BRD4: variants seen among roughly 807,000 people sequenced by gnomAD.
BRD4 encodes the protein bromodomain-containing protein 4.
BRD4 carries 16 observed loss-of-function variants against 142.1 expected under a neutral mutation model. The ratio of observed to expected loss-of-function variants is 0.11; its 90% CI spans 0.08 to 0.17. The LOEUF is 0.17. BRD4 is among the 10% of genes least tolerant of loss of function. The pLI, the probability that BRD4 is intolerant of heterozygous loss-of-function variation, is 1.00. For missense variants in BRD4, 1,424 were observed against 1,810.9 expected, an observed-to-expected ratio of 0.79 and a Z score of 3.88; for synonymous variants, 833 against 707.5, an observed-to-expected ratio of 1.18 and a Z score of -2.82.
chr19:15,253,496 C>T (rs2145561819), intron 11 of BRD4: 1 of 1,466,490 alleles, frequency 6.8e-7, no homozygotes, highest in African/African-American at 1.4e-5. Context: ...AAAGAAGGGA[C>T]TGTTAGTTAG....
intron 1 of BRD4, among the ~76,000 whole-genome samples, chr19:15,309,612 G>A (rs924647721): frequency 1.3e-5 from 2 of 152,118 alleles, no homozygotes; most frequent in Non-Finnish European, 2.9e-5. Context: ...AGTGTGTGTG[G>A]GCACTCACAG....
At chr19:15,276,795 T>A (rs2047651577) in intron 1 of BRD4, among the ~76,000 whole-genome samples, 1 of 152,150 alleles carries the variant, frequency 6.6e-6, no homozygotes, top group Non-Finnish European at 1.5e-5. Context: ...TGCCTTGCCC[T>A]AGGACTCAGC....
intron 8 of BRD4, among the ~76,000 whole-genome samples, chr19:15,256,556 CAGA>C (rs1165901818): frequency 2.0e-5 from 3 of 152,184 alleles, no homozygotes; most frequent in Non-Finnish European, 4.4e-5. Flanking sequence ...ATCCTGATCG[CAGA>C]AGGAGGGCCC....
intron 3 of BRD4, chr19:15,268,300 G>A (rs2047554350): frequency 6.5e-6 from 1 of 152,854 alleles, no homozygotes; most frequent in African/African-American, 2.4e-5. Context: ...AAATGATCTG[G>A]CTTCATGGCA....
intron 1 of BRD4, among the ~76,000 whole-genome samples, chr19:15,319,440 G>C (rs1192347861): frequency 1.3e-5 from 2 of 152,018 alleles, no homozygotes; most frequent in Non-Finnish European, 2.9e-5. Context: ...ATGACAAAGT[G>C]AGACCTCGTA....
intron 1 of BRD4, among the ~76,000 whole-genome samples, chr19:15,309,581 G>C (rs1322795567): frequency 6.6e-6 from 1 of 152,096 alleles, no homozygotes; most frequent in African/African-American, 2.4e-5. Context: ...CCAAGAGAAA[G>C]GGAAACATTT....
At chr19:15,297,040 A>C (rs370875163) in intron 1 of BRD4, among the ~76,000 whole-genome samples, 3 of 152,198 alleles carry the variant, frequency 2.0e-5, no homozygotes, top group East Asian at 3.9e-4. Flanking sequence ...TTCTAGGTGG[A>C]TTTCGTAACA....
intron 2 of BRD4, among the ~76,000 whole-genome samples, chr19:15,271,715 G>A (rs1207924238): frequency 6.6e-6 from 1 of 152,218 alleles, no homozygotes; most frequent in African/African-American, 2.4e-5. Context: ...GGTCAATGGA[G>A]AGCGTGGCGC....
chr19:15,277,311 G>C (rs1045002381), intron 1 of BRD4, among the ~76,000 whole-genome samples: 3 of 152,152 alleles, frequency 2.0e-5, no homozygotes, highest in Non-Finnish European at 4.4e-5. Flanking sequence ...GATGAAGCAA[G>C]GTTAGACAAT....
intron 11 of BRD4, chr19:15,248,866 A>G (rs2047315467): frequency 3.1e-6 from 1 of 320,220 alleles, no homozygotes; most frequent in South Asian, 5.7e-5. Context: ...GTTAGGGTCC[A>G]AAGTCCCAGA....
At chr19:15,322,844 G>A (rs1315453356) in intron 1 of BRD4, among the ~76,000 whole-genome samples, 2 of 140,010 alleles carry the variant, frequency 1.4e-5, no homozygotes, top group Non-Finnish European at 3.0e-5. Flanking sequence ...TCTAGCCTGG[G>A]AGATAGAGAG....
In BRD4 at chr19:15,239,855, G is replaced by A; in HGVS notation, c.3283-34C>T. On this transcript the variant is annotated intron_variant, in intron 15 of 19. Coordinates refer to ENST00000679869, the MANE Select transcript of BRD4 (RefSeq NM_001379291.1). The surrounding 1 kb of genome is among the most constrained non-coding windows in gnomAD (Gnocchi z 7.4). ...GCACAGGCACAGCGGCCGGTGAGGT[G>A]GGCAGGCACCCCCGGCCCTAGCCCA... is the stretch of plus-strand genomic sequence containing the variant. 1 of 1,613,888 alleles carries A rather than the reference G, an allele frequency of 6.2e-7. No homozygotes were observed. The highest frequency in any genetic ancestry group is 2.2e-5 in the East Asian group (1 of 44,856).
At chr19:15,263,226 C>G (rs1475886290) in intron 7 of BRD4, among the ~76,000 whole-genome samples, 194 bp downstream of exon 7, 1 of 152,218 alleles carries the variant, frequency 6.6e-6, no homozygotes, top group African/African-American at 2.4e-5. Flanking sequence ...GTGGAACACC[C>G]ACTCTGCTTT....
chr19:15,257,606 C>A (rs937822825), intron 7 of BRD4, among the ~76,000 whole-genome samples: 3 of 152,074 alleles, frequency 2.0e-5, no homozygotes, highest in African/African-American at 7.2e-5. Flanking sequence ...GCATTCCAGG[C>A]AGAGGACACA....
chr19:15,235,754 G>T lies in BRD4; in HGVS notation c.*2623C>A, dbSNP rs1419570821. The T allele has an allele frequency of 6.6e-6, 1 of 152,212 alleles. No individual in the cohort carries two copies. Among genetic ancestry groups the T allele is most frequent in the South Asian group, 2.1e-4 (1 of 4,830 alleles). The allele number at this position is 152,212 out of a possible 1,614,324, so 9.4% of individuals were successfully genotyped here. ...GTATAGGACTAAGATTTCTAGTACT[G>T]TGGGAAGGGTTGGGAAATGGCTGGA... On this transcript the variant is annotated 3_prime_UTR_variant, in exon 20 of 20. Transcript: ENST00000679869.
At position 15,264,721 on chromosome 19, in the gene BRD4, T is replaced by C; in HGVS notation, c.895A>G (p.Thr299Ala). The C allele has an allele frequency of 7.4e-6, 12 of 1,611,360 alleles. No homozygotes were observed. Among genetic ancestry groups the C allele is most frequent in the Non-Finnish European group, 1.0e-5 (12 of 1,178,990 alleles). Residue 299 changes from threonine (T) to alanine (A), a missense_variant, in exon 6 of 20, where the codon ACC becomes GCC. This residue lies in a region of BRD4 where 86 missense variants were observed against 79.9 expected (regional missense o/e 1.08). Coordinates refer to ENST00000679869, the MANE Select transcript of BRD4 (RefSeq NM_001379291.1). The part of the protein sequence containing the change: ...KRKADTTTPT[T>A]IDPIHEPPSL... ...GGTGGCTCGTGAATGGGGTCAATGGTGGTGGGGGTGGTGGTGTCTGCTTTC... is the reference window on the plus strand; with the variant it reads ...GGTGGCTCGTGAATGGGGTCAATGGCGGTGGGGGTGGTGGTGTCTGCTTTC...
At chr19:15,285,847 G>A (rs182958825) in intron 1 of BRD4, among the ~76,000 whole-genome samples, 28 of 152,264 alleles carry the variant, frequency 1.8e-4, no homozygotes, top group African/African-American at 6.7e-4. Flanking sequence ...GTGGGTGGGG[G>A]CACGAAGCAC....
At position 15,239,572 on chromosome 19, in the gene BRD4, C is replaced by A. The variant is rs376346739; in HGVS notation, c.3446-50G>T. On this transcript the variant is annotated intron_variant, in intron 16 of 19. Coordinates refer to ENST00000679869, the MANE Select transcript of BRD4 (RefSeq NM_001379291.1). The surrounding 1 kb of genome is among the most constrained non-coding windows in gnomAD (Gnocchi z 7.4). Reference sequence around the variant, plus strand: ...CCTGGCCCACCTCACCCCAGTGGGGCATGGTCCACCAGCCCCACAGCAAGC... The same window carrying A: ...CCTGGCCCACCTCACCCCAGTGGGGAATGGTCCACCAGCCCCACAGCAAGC... The A allele has an allele frequency of 1.9e-6, 3 of 1,571,976 alleles. No individual in the cohort carries two copies. Among genetic ancestry groups the A allele is most frequent in the South Asian group, 2.3e-5 (2 of 85,532 alleles).
intron 1 of BRD4, among the ~76,000 whole-genome samples, chr19:15,303,938 G>A (rs1173867249): frequency 1.3e-5 from 2 of 152,168 alleles, no homozygotes; most frequent in East Asian, 3.8e-4. Flanking sequence ...CAGACTCCAT[G>A]CAGAATGCTT....
Sources: allele counts gnomAD v4.1 joint callset (sites outside exome capture counted in the v4.1 genomes callset), GRCh38; gene constraint gnomAD v4.1.1; regional missense constraint gnomAD v4.1.1; non-coding constraint Gnocchi (gnomAD v3.1); transcripts MANE v1.5; gene names NCBI Gene and HGNC (gene_info 2026-07-23, HGNC 2026-07-21).